PALM2AKAP2: variants seen among roughly 807,000 people sequenced by gnomAD.
PALM2AKAP2 encodes PALM2 and AKAP2 fusion, also known as PALM2-AKAP2 fusion protein.
In PALM2AKAP2, 37 loss-of-function variants were observed where a neutral mutation model predicts 71.5. The observed-to-expected ratio is 0.52, with a 90% CI of 0.40 to 0.68. The LOEUF (loss-of-function observed/expected upper bound fraction) is 0.68. Among genes scored for constraint, PALM2AKAP2 ranks in the 30% least tolerant of loss-of-function variants. The probability of loss-of-function intolerance (pLI) is 0.00; values close to 1 mark genes in which losing one functional copy is unlikely to be tolerated. For synonymous variants in PALM2AKAP2, 468 were observed against 478.8 expected, an observed-to-expected ratio of 0.98 and a Z score of 0.29; for missense variants, 1,224 against 1,191.8, an observed-to-expected ratio of 1.03 and a Z score of -0.40.
chr9:110,104,991 C>G (rs1835081716), intron 1 of PALM2AKAP2, among the ~76,000 whole-genome samples: 1 of 152,190 alleles, frequency 6.6e-6, no homozygotes. Flanking sequence ...GATAAATTGA[C>G]TCAGGTTAAG....
chr9:110,101,123 C>T (rs1564305248), intron 1 of PALM2AKAP2, among the ~76,000 whole-genome samples: 1 of 152,208 alleles, frequency 6.6e-6, no homozygotes, highest in Non-Finnish European at 1.5e-5. Context: ...GACCAAGCCT[C>T]TGCAATGCAT....
intron 3 of PALM2AKAP2, among the ~76,000 whole-genome samples, chr9:109,921,850 T>C (rs186422949): frequency 8.5e-5 from 13 of 152,276 alleles, no homozygotes; most frequent in Admixed American, 3.9e-4. Context: ...CTGAGTGAAA[T>C]GACAAATATT....
intron 1 of PALM2AKAP2, among the ~76,000 whole-genome samples, chr9:109,660,598 G>A (rs1054347942): frequency 6.6e-6 from 1 of 151,950 alleles, no homozygotes; most frequent in African/African-American, 2.4e-5. Context: ...GTCTATCATT[G>A]ATGGACATTT....
chr9:109,649,151 T>G (rs949335581), intron 1 of PALM2AKAP2, among the ~76,000 whole-genome samples: 15 of 152,094 alleles, frequency 9.9e-5, no homozygotes, highest in South Asian at 2.1e-4. Flanking sequence ...AGTCATTGTG[T>G]TGTTGTTTTT....
At chr9:109,893,384 A>G (rs1224569548) in intron 3 of PALM2AKAP2, among the ~76,000 whole-genome samples, 1 of 152,230 alleles carries the variant, frequency 6.6e-6, no homozygotes, top group Non-Finnish European at 1.5e-5. Flanking sequence ...ATCCAGACCA[A>G]TTGTGGGCAG....
At chr9:110,111,819 G>C (rs571143665) in intron 1 of PALM2AKAP2, among the ~76,000 whole-genome samples, 3 of 152,256 alleles carry the variant, frequency 2.0e-5, no homozygotes, top group African/African-American at 7.2e-5. Context: ...TCCAGTCAAC[G>C]TTTTGGTTCC....
chr9:109,727,320 C>T (rs1259455271), intron 1 of PALM2AKAP2, among the ~76,000 whole-genome samples: 1 of 152,118 alleles, frequency 6.6e-6, no homozygotes, highest in Non-Finnish European at 1.5e-5. Flanking sequence ...ATTTTATATT[C>T]ATGATTGGTC....
At chr9:109,803,785 G>A (rs1321909730) in intron 1 of PALM2AKAP2, among the ~76,000 whole-genome samples, 5 of 152,240 alleles carry the variant, frequency 3.3e-5, no homozygotes, top group African/African-American at 4.8e-5. Context: ...ACAAGGTAGA[G>A]ACAGTGGCTT....
chr9:109,830,596 G>A (rs1373223643), intron 1 of PALM2AKAP2, among the ~76,000 whole-genome samples: 1 of 152,212 alleles, frequency 6.6e-6, no homozygotes, highest in African/African-American at 2.4e-5. Flanking sequence ...ACTCACTTAA[G>A]GAGAATGGAG....
chr9:110,001,644 G>A (rs1273090042), intron 6 of PALM2AKAP2, among the ~76,000 whole-genome samples: 1 of 152,164 alleles, frequency 6.6e-6, no homozygotes, highest in East Asian at 1.9e-4. Context: ...TCCTACCCAT[G>A]AGCATGGAAT....
chr9:110,057,281 C>T (rs1332740845), intron 1 of PALM2AKAP2, among the ~76,000 whole-genome samples: 1 of 151,848 alleles, frequency 6.6e-6, no homozygotes, highest in African/African-American at 2.4e-5. Context: ...AATGGAGATA[C>T]TGAGACATTT....
chr9:110,165,461 A>C (rs1171949865), intron 3 of PALM2AKAP2, among the ~76,000 whole-genome samples: 1 of 152,210 alleles, frequency 6.6e-6, no homozygotes, highest in African/African-American at 2.4e-5. Flanking sequence ...AGACAGCTTT[A>C]TATCAAGATT....
intron 1 of PALM2AKAP2, among the ~76,000 whole-genome samples, chr9:110,091,889 A>G (rs1834724365): frequency 6.6e-6 from 1 of 152,172 alleles, no homozygotes; most frequent in African/African-American, 2.4e-5. Context: ...CAGTTCCATG[A>G]TCCCCTAAAT....
At chr9:110,146,513 A>G (rs1342410804) in intron 2 of PALM2AKAP2, among the ~76,000 whole-genome samples, 2 of 152,236 alleles carry the variant, frequency 1.3e-5, no homozygotes, top group Non-Finnish European at 2.9e-5. Context: ...AGCCATGCAC[A>G]AAAACAGATG....
At chr9:109,736,903 T>C (rs893193644) in intron 1 of PALM2AKAP2, among the ~76,000 whole-genome samples, 7 of 152,206 alleles carry the variant, frequency 4.6e-5, no homozygotes, top group African/African-American at 1.7e-4. Context: ...CCAAGAGCAA[T>C]TGACAGGAAA....
At chr9:110,164,812 T>C (rs1322217411) in intron 3 of PALM2AKAP2, among the ~76,000 whole-genome samples, 1 of 152,242 alleles carries the variant, frequency 6.6e-6, no homozygotes, top group Non-Finnish European at 1.5e-5. Context: ...ATTACAGGCT[T>C]GAGCCACTGC....
intron 1 of PALM2AKAP2, among the ~76,000 whole-genome samples, chr9:110,130,784 G>C (rs1307421281): frequency 6.6e-6 from 1 of 152,176 alleles, no homozygotes; most frequent in Admixed American, 6.5e-5. Flanking sequence ...CCATCCCTAA[G>C]GGTGTATAAA....
chr9:109,754,417 T>C (rs557526656), intron 1 of PALM2AKAP2, among the ~76,000 whole-genome samples: 19 of 152,260 alleles, frequency 1.2e-4, no homozygotes, highest in Admixed American at 4.6e-4. Flanking sequence ...TAAGAACACT[T>C]AATGGGAGAT....
chr9:109,667,351 T>C lies in PALM2AKAP2; in HGVS notation c.5+26485T>C, dbSNP rs185277728. Among the ~76,000 whole-genome samples, 406 of 152,146 alleles carry C rather than the reference T, an allele frequency of 2.7e-3. 3 individuals carry two copies. The highest frequency in any genetic ancestry group is 4.3e-3 in the Admixed American group (66 of 15,294). On this transcript the variant is annotated intron_variant, in intron 1 of 6. Transcript: ENST00000374531. ...TACCTAGCTGTAGGCTAGGCCAAGA[T>C]GTTTTTCAAAAATTACTTTTGGATT...
Sources: gnomAD v4.1 joint callset for allele counts (sites outside exome capture counted in the v4.1 genomes callset) on GRCh38, gnomAD v4.1.1 for gene constraint, MANE v1.5 for transcripts, NCBI Gene and HGNC (gene_info 2026-07-23, HGNC 2026-07-21) for gene names.